Variants in SDK1 observed in about 807,000 individuals in gnomAD.
The protein encoded by SDK1 is sidekick cell adhesion molecule 1.
A neutral mutation model predicts 245.5 loss-of-function variants in SDK1; 157 were observed. The ratio of observed to expected loss-of-function variants is 0.64; its 90% CI spans 0.56 to 0.73. SDK1 has a LOEUF of 0.73. Ranked by LOEUF, SDK1 falls within the 30% of genes least tolerant of loss-of-function variation. The probability of loss-of-function intolerance (pLI) is 0.00; values close to 1 mark genes in which losing one functional copy is unlikely to be tolerated. For missense variants in SDK1, 3,583 were observed against 3,002.3 expected (o/e 1.19, Z -4.52); for synonymous variants, 1,647 against 1,278.5 (o/e 1.29, Z -6.15).
At chr7:3,419,586 G>C (rs1301175170) in intron 1 of SDK1, among the ~76,000 whole-genome samples, 1 of 152,158 alleles carries the variant, frequency 6.6e-6, no homozygotes, top group East Asian at 1.9e-4. Flanking sequence ...CAGGAGCTTT[G>C]TCATGGACTC....
At chr7:4,177,695 G>C (rs1170881944) in intron 34 of SDK1, among the ~76,000 whole-genome samples, 1 of 152,244 alleles carries the variant, frequency 6.6e-6, no homozygotes, top group African/African-American at 2.4e-5. Flanking sequence ...CATAGACCAG[G>C]TGGTAGGGGA....
intron 4 of SDK1, among the ~76,000 whole-genome samples, chr7:3,666,371 G>T (rs769238253): frequency 3.3e-5 from 5 of 152,164 alleles, no homozygotes; most frequent in South Asian, 2.1e-4. Context: ...CCGTCCCCCT[G>T]CCTGGAATGC....
chr7:3,937,711 G>C (rs1000606507), intron 5 of SDK1, among the ~76,000 whole-genome samples: 2 of 152,228 alleles, frequency 1.3e-5, no homozygotes, highest in Non-Finnish European at 2.9e-5. Flanking sequence ...AGGCTTCAAA[G>C]GCCCCTGCCC....
At chr7:3,825,322 A>AG in intron 5 of SDK1, among the ~76,000 whole-genome samples, 1 of 150,518 alleles carries the variant, frequency 6.6e-6, no homozygotes, top group Non-Finnish European at 1.5e-5. Flanking sequence ...TTCCTCTAAA[A>AG]AAAAAAAAAA....
At chr7:3,897,620 C>G (rs111945441) in intron 5 of SDK1, among the ~76,000 whole-genome samples, 1,607 of 152,242 alleles carry the variant, frequency 0.011, 20 homozygotes, top group African/African-American at 0.037. Context: ...TGGGCTGCTC[C>G]CCCTTGTGGC....
At chr7:3,711,814 G>C (rs541524572) in intron 4 of SDK1, among the ~76,000 whole-genome samples, 3 of 152,268 alleles carry the variant, frequency 2.0e-5, no homozygotes, top group Admixed American at 6.5e-5. Flanking sequence ...TGTATGCCTG[G>C]AAGCTGGGGG....
chr7:3,470,314 T>A (rs1025208682), intron 1 of SDK1, among the ~76,000 whole-genome samples: 1 of 152,176 alleles, frequency 6.6e-6, no homozygotes, highest in African/African-American at 2.4e-5. Flanking sequence ...AGGTATAGGA[T>A]CTGATACACT....
At chr7:3,619,642 C>T (rs1781872965) in intron 2 of SDK1, among the ~76,000 whole-genome samples, 1 of 152,170 alleles carries the variant, frequency 6.6e-6, no homozygotes, top group Admixed American at 6.5e-5. Flanking sequence ...TCTGAGTAGT[C>T]AGCAAAAGTC....
intron 4 of SDK1, among the ~76,000 whole-genome samples, chr7:3,669,952 A>G (rs1437053341): frequency 1.3e-5 from 2 of 152,218 alleles, no homozygotes; most frequent in East Asian, 3.8e-4. Context: ...TGCCCAAGCA[A>G]GAACCAAGGA....
intron 1 of SDK1, among the ~76,000 whole-genome samples, chr7:3,567,771 C>G (rs1344053987): frequency 6.6e-6 from 1 of 152,140 alleles, no homozygotes. Context: ...TAACATTCTA[C>G]ATGGTTCTTT....
At chr7:4,221,863 A>T (rs1253621493) in intron 40 of SDK1, among the ~76,000 whole-genome samples, 1 of 152,152 alleles carries the variant, frequency 6.6e-6, no homozygotes, top group Non-Finnish European at 1.5e-5. Flanking sequence ...AGCCTTATTC[A>T]CCAGAATAAT....
rs76680408 is a variant in SDK1 at position 3,625,605 on chromosome 7, C to A, written c.458+6366C>A. ...TGGAGCTCAATCTTGTTTGCAACGTCTATGGAGTCTTATGAAATGCATCTC... is the reference window on the plus strand; with the variant it reads ...TGGAGCTCAATCTTGTTTGCAACGTATATGGAGTCTTATGAAATGCATCTC... On this transcript the variant is annotated intron_variant, in intron 2 of 44. Transcript: ENST00000404826. Among the ~76,000 whole-genome samples, 593 of 152,308 alleles carry A rather than the reference C, an allele frequency of 3.9e-3. 7 individuals carry two copies. The highest frequency in any genetic ancestry group is 0.013 in the African/African-American group (536 of 41,566).
At chr7:3,621,491 A>C (rs1781936851) in intron 2 of SDK1, among the ~76,000 whole-genome samples, 1 of 152,256 alleles carries the variant, frequency 6.6e-6, no homozygotes, top group Non-Finnish European at 1.5e-5. Context: ...AATAAGAAGT[A>C]GGCATGATGT....
At chr7:3,368,127 T>C (rs1265050891) in intron 1 of SDK1, among the ~76,000 whole-genome samples, 3 of 152,232 alleles carry the variant, frequency 2.0e-5, no homozygotes. Context: ...CAATTAAAAT[T>C]AGTCCTAGTA....
At chr7:3,778,312 A>G (rs982958734) in intron 4 of SDK1, among the ~76,000 whole-genome samples, 6 of 152,236 alleles carry the variant, frequency 3.9e-5, no homozygotes, top group Non-Finnish European at 7.3e-5. Flanking sequence ...TGAAAAAGCA[A>G]GGTGATACTA....
chr7:3,380,705 A>G (rs1490212317), intron 1 of SDK1, among the ~76,000 whole-genome samples: 1 of 152,174 alleles, frequency 6.6e-6, no homozygotes, highest in Non-Finnish European at 1.5e-5. Context: ...TTCTTGATTT[A>G]CTGTAGAGTA....
chr7:4,094,281 C>G (rs1781999094), intron 22 of SDK1, among the ~76,000 whole-genome samples: 4 of 152,148 alleles, frequency 2.6e-5, no homozygotes, highest in Admixed American at 2.6e-4. Flanking sequence ...AGGCTGGTCT[C>G]AAACTCCTGA....
chr7:3,913,495 A>G (rs529656426), intron 5 of SDK1, among the ~76,000 whole-genome samples: 13 of 151,860 alleles, frequency 8.6e-5, no homozygotes, highest in South Asian at 6.3e-4. Flanking sequence ...GGGTTTCACT[A>G]TGTTAGCCAG....
chr7:4,268,529 G>C lies in SDK1; in HGVS notation c.*3145G>C, dbSNP rs1788610405. 8.0e-7 allele frequency: 1 copy of C among 1,247,862 alleles called. No homozygotes were observed. The highest frequency in any genetic ancestry group is 1.5e-5 in the African/African-American group (1 of 64,950). 77.3% of individuals were successfully genotyped at this position (1,247,862 alleles called of 1,614,324 possible). A position where few individuals can be genotyped will look rare whatever the true frequency, so the allele number is the denominator to read the frequency against. On this transcript the variant is annotated 3_prime_UTR_variant, in exon 45 of 45. Coordinates refer to ENST00000404826, the MANE Select transcript of SDK1 (RefSeq NM_152744.4). ...GAGGGGACCCAGATGGCCACACACGGAACGCGCCTCCACAGCCCCGGGAGG... is the reference window on the plus strand; with the variant it reads ...GAGGGGACCCAGATGGCCACACACGCAACGCGCCTCCACAGCCCCGGGAGG...
Sources: allele counts gnomAD v4.1 joint callset (sites outside exome capture counted in the v4.1 genomes callset), GRCh38; gene constraint gnomAD v4.1.1; transcripts MANE v1.5; gene names NCBI Gene and HGNC (gene_info 2026-07-23, HGNC 2026-07-21).